The following CFAP90 variants were observed in gnomAD, a reference collection of about 807,000 sequenced individuals.
CFAP90 encodes cilia- and flagella-associated protein 90.
At chr5:7,839,159 G>A in the CFAP90 span, among the ~76,000 whole-genome samples, 5 of 152,128 alleles carry the variant, frequency 3.3e-5, no homozygotes, top group Admixed American at 2.0e-4. Flanking sequence ...ATTCACTAAC[G>A]CAGTAACAGC....
chr5:7,851,114 C>T, the CFAP90 span: 4 of 1,217,614 alleles, frequency 3.3e-6, no homozygotes, highest in South Asian at 1.2e-4. Context: ...TTGCTCAGCG[C>T]CAGCGTCTAG....
At chr5:7,835,043 T>C in the CFAP90 span, among the ~76,000 whole-genome samples, 4 of 152,230 alleles carry the variant, frequency 2.6e-5, no homozygotes, top group African/African-American at 9.6e-5. Flanking sequence ...AAGTGAATCA[T>C]ACAAACGTTT....
At chr5:7,846,738 C>A in the CFAP90 span, among the ~76,000 whole-genome samples, 12 of 152,032 alleles carry the variant, frequency 7.9e-5, no homozygotes, top group African/African-American at 2.9e-4. Flanking sequence ...TGAAATTATT[C>A]TTCTTCTTAC....
At chr5:7,833,873 G>A in the CFAP90 span, among the ~76,000 whole-genome samples, 1 of 152,160 alleles carries the variant, frequency 6.6e-6, no homozygotes, top group Non-Finnish European at 1.5e-5. Context: ...TCATGTCATA[G>A]TGCAACACAT....
At chr5:7,839,420 C>T in the CFAP90 span, among the ~76,000 whole-genome samples, 2 of 152,210 alleles carry the variant, frequency 1.3e-5, no homozygotes, top group African/African-American at 4.8e-5. Context: ...CCCTCCTGAA[C>T]TGAGTGAGCC....
the CFAP90 span, chr5:7,831,644 G>A: frequency 1.9e-6 from 1 of 523,668 alleles, no homozygotes; most frequent in Non-Finnish European, 3.4e-6. Flanking sequence ...ATGTACTAAA[G>A]GTGTTGTTGG....
At chr5:7,834,542 T>C in the CFAP90 span, among the ~76,000 whole-genome samples, 1 of 152,166 alleles carries the variant, frequency 6.6e-6, no homozygotes, top group African/African-American at 2.4e-5. Flanking sequence ...TCTACGGTAG[T>C]GTACAGTAAT....
At chr5:7,850,953 C>A in the CFAP90 span, 2 of 1,336,668 alleles carry the variant, frequency 1.5e-6, no homozygotes, top group Middle Eastern at 2.2e-4. Context: ...CGGACTGCGC[C>A]GAGACGGGCG....
the CFAP90 span, chr5:7,850,762 G>C: frequency 1.2e-6 from 1 of 849,066 alleles, no homozygotes; most frequent in Non-Finnish European, 1.4e-6. Flanking sequence ...CTTCTCCCCC[G>C]CCCCTCCGCG....
chr5:7,837,068 G>A, the CFAP90 span, among the ~76,000 whole-genome samples: 1 of 151,966 alleles, frequency 6.6e-6, no homozygotes, highest in Admixed American at 6.6e-5. Context: ...TGTAACACTT[G>A]GTAATCCATA....
chr5:7,846,532 A>T, the CFAP90 span, among the ~76,000 whole-genome samples: 2 of 152,102 alleles, frequency 1.3e-5, no homozygotes, highest in Non-Finnish European at 2.9e-5. Flanking sequence ...AGTCTCTTTA[A>T]CAAGGGTGAT....
the CFAP90 span, among the ~76,000 whole-genome samples, chr5:7,846,772 A>C: frequency 6.6e-6 from 1 of 152,158 alleles, no homozygotes; most frequent in Non-Finnish European, 1.5e-5. Flanking sequence ...TTTTGGAGAC[A>C]GTCTCACTCT....
At chr5:7,833,308 C>T in the CFAP90 span, among the ~76,000 whole-genome samples, 1 of 152,054 alleles carries the variant, frequency 6.6e-6, no homozygotes, top group African/African-American at 2.4e-5. Context: ...CACATATGTA[C>T]ACACATGTAC....
the CFAP90 span, among the ~76,000 whole-genome samples, chr5:7,850,573 C>A: frequency 2.1e-5 from 3 of 145,564 alleles, no homozygotes; most frequent in Non-Finnish European, 4.6e-5. Flanking sequence ...CGCCCCCAGG[C>A]TGCCTCCCCT....
chr5:7,843,506 G>C, the CFAP90 span, among the ~76,000 whole-genome samples: 1 of 152,244 alleles, frequency 6.6e-6, no homozygotes, highest in South Asian at 2.1e-4. Context: ...CTCTGATCTT[G>C]TGTCTGTGTC....
At chr5:7,850,134 AC>A in the CFAP90 span, among the ~76,000 whole-genome samples, 1 of 151,988 alleles carries the variant, frequency 6.6e-6, no homozygotes, top group Non-Finnish European at 1.5e-5. Flanking sequence ...CCATTCGCGC[AC>A]CCGGCTTCTC....
the CFAP90 span, among the ~76,000 whole-genome samples, chr5:7,836,754 T>G: frequency 9.2e-5 from 14 of 152,178 alleles, no homozygotes; most frequent in Admixed American, 3.3e-4. Flanking sequence ...TAATGAAAAC[T>G]CAGGGAAGGT....
chr5:7,835,103 T>C, the CFAP90 span, among the ~76,000 whole-genome samples: 7 of 152,324 alleles, frequency 4.6e-5, no homozygotes, highest in South Asian at 2.1e-4. Flanking sequence ...CTATAGTATA[T>C]TGAGTGTGCA....
chr5:7,850,705 C>G, the CFAP90 span, among the ~76,000 whole-genome samples: 1 of 150,590 alleles, frequency 6.6e-6, no homozygotes, highest in South Asian at 2.1e-4. Flanking sequence ...CTACGCCCTC[C>G]CTCCGAGGGA....
Sources: gnomAD v4.1 joint callset for allele counts (sites outside exome capture counted in the v4.1 genomes callset) on GRCh38, gnomAD v4.1.1 for gene constraint, MANE v1.5 for transcripts, NCBI Gene and HGNC (gene_info 2026-07-23, HGNC 2026-07-21) for gene names.